The following MYOCD variants were observed in gnomAD, a reference collection of about 807,000 sequenced individuals.
MYOCD encodes myocardin.
In MYOCD, 32 loss-of-function variants were observed where a neutral mutation model predicts 96.1. The observed-to-expected ratio is 0.33, with a 90% CI of 0.25 to 0.45. The LOEUF is 0.45. Among genes scored for constraint, MYOCD ranks in the 20% least tolerant of loss-of-function variants. MYOCD has a pLI of 1.00. For missense variants in MYOCD, 1,133 were observed against 1,200.6 expected (o/e 0.94, Z 0.83); for synonymous variants, 469 against 469.0 (o/e 1.00, Z 0.00).
intron 2 of MYOCD, 77 bp downstream of exon 2, chr17:12,705,270 A>G (rs1173645700): frequency 5.8e-6 from 6 of 1,028,556 alleles, no homozygotes; most frequent in Middle Eastern, 4.1e-4. Flanking sequence ...CTCAGAGGTC[A>G]TTTAGTTTAA....
intron 1 of MYOCD, among the ~76,000 whole-genome samples, chr17:12,690,160 T>C (rs905450140): frequency 1.3e-5 from 2 of 151,828 alleles, no homozygotes; most frequent in Admixed American, 1.3e-4. Flanking sequence ...ATAGATCTCC[T>C]AAGTCTATAA....
chr17:12,760,401 G>A (rs2033136818), intron 12 of MYOCD: 1 of 468,386 alleles, frequency 2.1e-6, no homozygotes, highest in African/African-American at 2.0e-5. Flanking sequence ...AGTCTTGCAG[G>A]ATGAAAAGAA....
In MYOCD at chr17:12,753,313, C is replaced by T; in HGVS notation, c.2025C>T (p.Ser675=). ...CCCAGGGAGAAGGGCACAGGGTCTC[C>T]TCGCCCATCAGCAGCCAGGTGTGCA... ...SGAQGEGHRV[S]SPISSQVCTA... Residue 675 remains serine (S), a synonymous_variant, in exon 10 of 14, where the codon TCC becomes TCT. Transcript: ENST00000425538. The T allele has an allele frequency of 6.2e-7, 1 of 1,608,678 alleles. No homozygotes were observed. Among genetic ancestry groups the T allele is most frequent in the Non-Finnish European group, 8.5e-7 (1 of 1,177,250 alleles).
Position 12,746,088 on chromosome 17 carries a change from T to G in MYOCD, c.1125+16T>G. ...TGATCTGAAGGTATAGGATTTGACA[T>G]GAGTTTCTTTCTTTTTTTAAACAAA... On this transcript the variant is annotated intron_variant, in intron 9 of 13. Coordinates refer to ENST00000425538, the MANE Select transcript of MYOCD (RefSeq NM_001146312.3). 1 of 1,610,596 alleles carries G rather than the reference T, an allele frequency of 6.2e-7. No individual in the cohort carries two copies. The highest frequency in any genetic ancestry group is 8.5e-7 in the Non-Finnish European group (1 of 1,179,028).
Position 12,765,961 on chromosome 17 carries a change from G to T in MYOCD, c.*2317G>T, listed in dbSNP as rs1284656312. The T allele has an allele frequency of 1.3e-5, 2 of 152,120 alleles. No homozygotes were observed. Among genetic ancestry groups the T allele is most frequent in the Non-Finnish European group, 2.9e-5 (2 of 68,016 alleles). 9.4% of individuals were successfully genotyped at this position (152,120 alleles called of 1,614,324 possible). A position where few individuals can be genotyped will look rare whatever the true frequency, so the allele number is the denominator to read the frequency against. Reference sequence around the variant, plus strand: ...GGTAAATTTTTTATTTTGCTTTTATGTCAGTCATCAGAACCAAAAAAATCC... The same window carrying T: ...GGTAAATTTTTTATTTTGCTTTTATTTCAGTCATCAGAACCAAAAAAATCC... On this transcript the variant is annotated 3_prime_UTR_variant, in exon 14 of 14. Transcript: ENST00000425538.
intron 1 of MYOCD, among the ~76,000 whole-genome samples, chr17:12,676,325 G>T (rs1017421522): frequency 3.4e-5 from 5 of 147,996 alleles, no homozygotes; most frequent in African/African-American, 1.2e-4. Flanking sequence ...AGTAAAAAAA[G>T]AAATTTCTTT....
intron 1 of MYOCD, among the ~76,000 whole-genome samples, chr17:12,679,961 T>C (rs1910350193): frequency 6.6e-6 from 1 of 152,252 alleles, no homozygotes; most frequent in Non-Finnish European, 1.5e-5. Context: ...ATTTTGCCTT[T>C]CATCCTGAAA....
At position 12,763,794 on chromosome 17, in the gene MYOCD, T is replaced by C. The variant is rs946738598; in HGVS notation, c.*150T>C. 4 of 697,738 alleles carry C rather than the reference T, an allele frequency of 5.7e-6. No homozygotes were observed. The highest frequency in any genetic ancestry group is 6.8e-6 in the Non-Finnish European group (3 of 439,814). 43.2% of individuals were successfully genotyped at this position (697,738 alleles called of 1,614,324 possible). On this transcript the variant is annotated 3_prime_UTR_variant, in exon 14 of 14. Transcript: ENST00000425538. ...CTGTGCCAATGAACAAGAACAAAAG[T>C]CATTTTTAGAAATACATATACTGTA...
intron 1 of MYOCD, among the ~76,000 whole-genome samples, chr17:12,681,265 G>A (rs772973113): frequency 1.3e-5 from 2 of 152,148 alleles, no homozygotes; most frequent in Non-Finnish European, 2.9e-5. Context: ...CCCTCTTAGT[G>A]ACATCGTAAG....
chr17:12,740,695 G>A (rs1003693698), intron 7 of MYOCD, among the ~76,000 whole-genome samples: 3 of 151,964 alleles, frequency 2.0e-5, no homozygotes, highest in African/African-American at 7.3e-5. Flanking sequence ...TAATCATGTG[G>A]CCTTCTTTAT....
At chr17:12,735,701 CT>C (rs2150703032) in intron 5 of MYOCD, among the ~76,000 whole-genome samples, 2 of 152,286 alleles carry the variant, frequency 1.3e-5, no homozygotes, top group Non-Finnish European at 2.9e-5. Flanking sequence ...ACATTGCGTG[CT>C]GTGCGCCCTG....
intron 5 of MYOCD, among the ~76,000 whole-genome samples, chr17:12,731,914 TTC>T (rs1457189249): frequency 5.3e-5 from 8 of 152,318 alleles, no homozygotes; most frequent in African/African-American, 1.9e-4. Context: ...TCCCTGCCCT[TTC>T]CCTCATCTTC....
Position 12,752,866 on chromosome 17 carries a change from G to T in MYOCD, c.1578G>T (p.Lys526Asn), listed in dbSNP as rs764830809. 11 of 1,614,146 alleles carry T rather than the reference G, an allele frequency of 6.8e-6. No individual in the cohort carries two copies. The South Asian group carries it at 1.1e-4, about 16-fold the overall frequency. The change falls in exon 10 of 14, where the codon AAG (lysine) becomes AAT (asparagine). Residue 526 changes from lysine to asparagine, a missense_variant. Lys to Asn is a moderately conservative substitution (Grantham distance 94, BLOSUM62 0). Coordinates refer to ENST00000425538, the MANE Select transcript of MYOCD (RefSeq NM_001146312.3). ...ACAAGATGCTGGTGGAGAAGCAGAAGGTGATCAATGAACTCACCTGGAAAC... is the reference window on the plus strand; with the variant it reads ...ACAAGATGCTGGTGGAGAAGCAGAATGTGATCAATGAACTCACCTGGAAAC... The part of the protein sequence containing the change: ...EKDKMLVEKQ[K>N]VINELTWKLQ...
intron 1 of MYOCD, among the ~76,000 whole-genome samples, chr17:12,687,904 A>G (rs59132234): frequency 0.25 from 37,693 of 152,150 alleles, 5,036 homozygotes; most frequent in African/African-American, 0.35. Context: ...ATGGCAACGT[A>G]GGAGAAGAAA....
intron 6 of MYOCD, among the ~76,000 whole-genome samples, chr17:12,737,618 A>G (rs2032384960): frequency 6.6e-6 from 1 of 152,202 alleles, no homozygotes; most frequent in Non-Finnish European, 1.5e-5. Context: ...CTATCCAGAG[A>G]GCCCTTCAGA....
intron 1 of MYOCD, chr17:12,671,906 G>A (rs1909729827): frequency 6.6e-6 from 1 of 152,132 alleles, no homozygotes; most frequent in Non-Finnish European, 1.5e-5. Flanking sequence ...AAGGCTTCCC[G>A]AGCATCTAAT....
At chr17:12,741,704 T>G (rs2032515679) in intron 7 of MYOCD, among the ~76,000 whole-genome samples, 1 of 108,410 alleles carries the variant, frequency 9.2e-6, no homozygotes, top group South Asian at 2.9e-4. Context: ...AGCGAGACTC[T>G]GTATATATAT....
intron 7 of MYOCD, among the ~76,000 whole-genome samples, chr17:12,740,022 G>A (rs569511697): frequency 2.3e-4 from 35 of 151,920 alleles, no homozygotes; most frequent in African/African-American, 6.0e-4. Context: ...TGCAACCTCC[G>A]CCTCCCAGGT....
intron 1 of MYOCD, among the ~76,000 whole-genome samples, chr17:12,692,578 C>T (rs1041203452): frequency 1.7e-4 from 26 of 152,186 alleles, no homozygotes; most frequent in Admixed American, 1.7e-3. Flanking sequence ...GTCCTTGCCC[C>T]ATCCTGTTGC....
Sources: gnomAD v4.1 joint callset for allele counts (sites outside exome capture counted in the v4.1 genomes callset) on GRCh38, gnomAD v4.1.1 for gene constraint, MANE v1.5 for transcripts, NCBI Gene and HGNC (gene_info 2026-07-23, HGNC 2026-07-21) for gene names.